UAP1: variants seen among roughly 807,000 people sequenced by gnomAD.
The protein encoded by UAP1 is UDP-N-acetylglucosamine pyrophosphorylase 1, also known as UDP-N-acetylhexosamine pyrophosphorylase.
In UAP1, 25 loss-of-function variants were observed where a neutral mutation model predicts 58.5. That is an observed-to-expected ratio of 0.43 (90% confidence interval 0.31 to 0.60). The LOEUF is 0.60. Among genes scored for constraint, UAP1 ranks in the 20% least tolerant of loss-of-function variants. The pLI, the probability that UAP1 is intolerant of heterozygous loss-of-function variation, is 0.11. For missense variants in UAP1, 575 were observed against 630.0 expected (o/e 0.91, Z 0.93); for synonymous variants, 208 against 213.0 (o/e 0.98, Z 0.21).
At chr1:162,592,903 TG>T (rs1655406909) in intron 9 of UAP1, 121 bp downstream of exon 9, 1 of 826,674 alleles carries the variant, frequency 1.2e-6, no homozygotes, top group Admixed American at 2.2e-5. Flanking sequence ...GTTGAAACTT[TG>T]GTGTGGGTGC....
At chr1:162,569,403 T>C (rs1402198746) in intron 2 of UAP1, among the ~76,000 whole-genome samples, 1 of 152,268 alleles carries the variant, frequency 6.6e-6, no homozygotes, top group East Asian at 1.9e-4. Context: ...AAGTGACCAC[T>C]GTACTCCTTG....
chr1:162,566,049 AGCTTG>A, exon 2 of UAP1: 1 of 1,604,260 alleles, frequency 6.2e-7, no homozygotes, highest in East Asian at 2.2e-5. Flanking sequence ...ATTTCTACAA[AGCTTG>A]GCTATTAGAG....
At position 162,591,127 on chromosome 1, in the gene UAP1, A is replaced by G. The variant is rs184506529; in HGVS notation, c.1358+616A>G. 1.4e-3 allele frequency among the ~76,000 whole-genome samples: 210 copies of G among 152,092 alleles called. 1 individual carries two copies. The highest frequency in any genetic ancestry group is 4.5e-3 in the African/African-American group (188 of 41,482). ...TTTTTAGTAGAGATGGGCTTTCACT[A>G]TGTTGACCAGAGTGCTCTCGATCTC... On this transcript the variant is annotated intron_variant, in intron 8 of 10. Coordinates refer to ENST00000271469, the Ensembl canonical transcript of UAP1.
At position 162,588,630 on chromosome 1, in the gene UAP1, G is replaced by T. The variant is rs116167509; in HGVS notation, c.1029-63G>T. 2.7e-5 allele frequency: 42 copies of T among 1,548,262 alleles called. No individual in the cohort carries two copies. The African/African-American group carries it at 5.0e-4, about 18-fold the overall frequency. ...GTTGACACATTTGCTCCTGAATGTT[G>T]TAAGATTTTCTGGCATTTTAAATCT... On this transcript the variant is annotated intron_variant, in intron 6 of 10. Coordinates refer to ENST00000271469, the Ensembl canonical transcript of UAP1.
In UAP1 at chr1:162,596,707, T is replaced by C. The variant is rs115033203; in HGVS notation, c.1410-1085T>C. Among the ~76,000 whole-genome samples, 893 of 152,246 alleles carry C rather than the reference T, an allele frequency of 5.9e-3. 2 individuals carry two copies. Among genetic ancestry groups the C allele is most frequent in the Middle Eastern group, 0.024 (7 of 294 alleles). On this transcript the variant is annotated intron_variant, in intron 9 of 10. Transcript: ENST00000271469. ...GAGTGCTTTGAATGCTAGAGAAAGG[T>C]TGACCTGTAGCTAAACTCAGAAGCC... is the stretch of plus-strand genomic sequence containing the variant.
intron 5 of UAP1, 38 bp downstream of exon 5, chr1:162,581,497 T>G (rs2101789799): frequency 4.4e-6 from 7 of 1,590,980 alleles, no homozygotes; most frequent in Non-Finnish European, 6.0e-6. Flanking sequence ...CTTTTGATGG[T>G]CTTGCTCTGT....
In UAP1 at chr1:162,591,085, C is replaced by T. The variant is rs192140008; in HGVS notation, c.1358+574C>T. 6.6e-4 allele frequency among the ~76,000 whole-genome samples: 100 copies of T among 152,216 alleles called. 1 individual carries two copies. The highest frequency in any genetic ancestry group is 2.2e-3 in the African/African-American group (93 of 41,522). ...GACTATACAGGCACATGCCACCACACCCAGCTAATTTTTATATTTTTAGTA... is the reference window on the plus strand; with the variant it reads ...GACTATACAGGCACATGCCACCACATCCAGCTAATTTTTATATTTTTAGTA... On this transcript the variant is annotated intron_variant, in intron 8 of 10. Transcript: ENST00000271469.
At chr1:162,591,991 A>G (rs1479736430) in intron 8 of UAP1, among the ~76,000 whole-genome samples, 1 of 152,178 alleles carries the variant, frequency 6.6e-6, no homozygotes, top group Non-Finnish European at 1.5e-5. Flanking sequence ...TGGCACCTAG[A>G]ATTTCCCTTT....
chr1:162,597,638 G>A (rs1655687677), intron 9 of UAP1, 154 bp from the exon 10 acceptor site: 2 of 579,972 alleles, frequency 3.4e-6, no homozygotes, highest in Non-Finnish European at 6.0e-6. Flanking sequence ...TAATCCTCAG[G>A]GAATTTAGTG....
At chr1:162,587,814 T>C (rs995212801) in intron 6 of UAP1, 146 bp downstream of exon 6, 3 of 786,708 alleles carry the variant, frequency 3.8e-6, no homozygotes, top group Non-Finnish European at 5.9e-6. Flanking sequence ...ATTTATCTCA[T>C]GTTGTGATTG....
chr1:162,589,528 G>A (rs932626155), intron 7 of UAP1, among the ~76,000 whole-genome samples: 7 of 151,280 alleles, frequency 4.6e-5, no homozygotes, highest in African/African-American at 1.5e-4. Context: ...GAGTTGTCTC[G>A]TTTTGTATTT....
intron 10 of UAP1, among the ~76,000 whole-genome samples, chr1:162,598,260 G>T (rs1005925301): frequency 3.4e-5 from 5 of 144,950 alleles, no homozygotes; most frequent in African/African-American, 1.2e-4. Flanking sequence ...TAGAATTCTG[G>T]CATTGTTTTA....
chr1:162,576,460 T>TC (rs1654183464), intron 2 of UAP1, among the ~76,000 whole-genome samples: 1 of 152,194 alleles, frequency 6.6e-6, no homozygotes, highest in Admixed American at 6.5e-5. Flanking sequence ...ATTTAATTGT[T>TC]TTAATAATAG....
Position 162,599,217 on chromosome 1 carries a change from C to A in UAP1, c.1477-54C>A, listed in dbSNP as rs906279709. On this transcript the variant is annotated intron_variant, in intron 10 of 10. Coordinates refer to ENST00000271469, the Ensembl canonical transcript of UAP1. The stretch of plus-strand genomic sequence containing the variant: ...AATCATCATTATAGCAAGTCCAGCA[C>A]TGCATGACAAGTGCAAATTTTCTAA... The A allele has an allele frequency of 5.6e-6, 7 of 1,247,180 alleles. No homozygotes were observed. The East Asian group carries it at 1.6e-4, about 29-fold the overall frequency. 77.3% of individuals were successfully genotyped at this position (1,247,180 alleles called of 1,614,324 possible). A position where few individuals can be genotyped will look rare whatever the true frequency, so the allele number is the denominator to read the frequency against.
chr1:162,596,245 G>A (rs1045728619), intron 9 of UAP1, among the ~76,000 whole-genome samples: 9 of 148,610 alleles, frequency 6.1e-5, no homozygotes, highest in Middle Eastern at 3.7e-3. Flanking sequence ...GTGCAATCTC[G>A]GCTCACTGCA....
chr1:162,582,115 A>G (rs536032554), intron 5 of UAP1, among the ~76,000 whole-genome samples: 1 of 152,230 alleles, frequency 6.6e-6, no homozygotes, highest in Non-Finnish European at 1.5e-5. Flanking sequence ...GACAGCAAAC[A>G]TGCAAACCTT....
chr1:162,581,535 A>G (rs1178529600), intron 5 of UAP1, 76 bp downstream of exon 5: 15 of 1,402,134 alleles, frequency 1.1e-5, no homozygotes, highest in Non-Finnish European at 1.5e-5. Context: ...AGTCAAACCA[A>G]GTTTATTAGG....
At chr1:162,573,102 T>A (rs1371937445) in intron 2 of UAP1, among the ~76,000 whole-genome samples, 1 of 152,234 alleles carries the variant, frequency 6.6e-6, no homozygotes, top group Non-Finnish European at 1.5e-5. Flanking sequence ...CTGTTCCCTT[T>A]AAATTTCTTC....
intron 2 of UAP1, 72 bp downstream of exon 2, chr1:162,566,420 A>T (rs1653511241): frequency 6.9e-7 from 1 of 1,453,626 alleles, no homozygotes; most frequent in Non-Finnish European, 9.3e-7. Flanking sequence ...TAGCTGGATC[A>T]TGTCACTAAT....
Sources: gnomAD v4.1 joint callset for allele counts (sites outside exome capture counted in the v4.1 genomes callset) on GRCh38, gnomAD v4.1.1 for gene constraint, MANE v1.5 for transcripts, NCBI Gene and HGNC (gene_info 2026-07-23, HGNC 2026-07-21) for gene names.